Variants in FSIP1 observed in about 807,000 individuals in gnomAD.
FSIP1 encodes fibrous sheath interacting protein 1, also known as fibrous sheath-interacting protein 1.
In FSIP1, 65 loss-of-function variants were observed where a neutral mutation model predicts 60.9. That is an observed-to-expected ratio of 1.07 (90% CI 0.87 to 1.31). FSIP1 has a LOEUF of 1.31. Among genes scored for constraint, FSIP1 ranks in the 40% most tolerant of loss-of-function variants. The pLI is 0.00. For missense variants in FSIP1, 675 were observed against 665.5 expected, an observed-to-expected ratio of 1.01 and a Z score of -0.16; for synonymous variants, 209 against 221.2, an observed-to-expected ratio of 0.94 and a Z score of 0.49.
At chr15:39,603,144 A>C (rs1011594167) in intron 11 of FSIP1, among the ~76,000 whole-genome samples, 2 of 151,998 alleles carry the variant, frequency 1.3e-5, no homozygotes, top group Non-Finnish European at 2.9e-5. Flanking sequence ...GAGGTGAAAA[A>C]CTCTTGGAAC....
At chr15:39,638,464 G>A (rs377732157) in intron 10 of FSIP1, among the ~76,000 whole-genome samples, 7 of 152,124 alleles carry the variant, frequency 4.6e-5, no homozygotes, top group African/African-American at 1.7e-4. Context: ...TGAGGAGCAG[G>A]GAAGTTCTTT....
chr15:39,647,174 G>A (rs1259189763), intron 10 of FSIP1, among the ~76,000 whole-genome samples: 2 of 152,090 alleles, frequency 1.3e-5, no homozygotes, highest in Non-Finnish European at 2.9e-5. Context: ...CAAGTCTGGA[G>A]GTCTAACATA....
Position 39,683,392 on chromosome 15 carries a change from T to TA in FSIP1, c.1188+30051dup, listed in dbSNP as rs1011779352. On this transcript the variant is annotated intron_variant, in intron 10 of 11. Transcript: ENST00000350221. ...CAAAATTCAACATACATTCATGATT[T>TA]AAAAAAAAAAACTCTCAGCAAATTA... Among the ~76,000 whole-genome samples, 602 of 148,052 alleles carry TA rather than the reference T, an allele frequency of 4.1e-3. 3 individuals are homozygous for TA. The highest frequency in any genetic ancestry group is 0.011 in the African/African-American group (442 of 40,546).
At chr15:39,780,346 A>G (rs922986604) in intron 1 of FSIP1, among the ~76,000 whole-genome samples, 1 of 152,118 alleles carries the variant, frequency 6.6e-6, no homozygotes. Flanking sequence ...AACACGGTGA[A>G]ACCCCGTCTC....
At chr15:39,605,560 A>T (rs895649991) in intron 11 of FSIP1, among the ~76,000 whole-genome samples, 3 of 152,208 alleles carry the variant, frequency 2.0e-5, no homozygotes, top group Admixed American at 6.5e-5. Context: ...GACTTACAAC[A>T]TGGAATGGAA....
At chr15:39,774,866 G>A (rs141549286) in intron 2 of FSIP1, among the ~76,000 whole-genome samples, 2 of 152,198 alleles carry the variant, frequency 1.3e-5, no homozygotes, top group Admixed American at 1.3e-4. Flanking sequence ...AGCAGCAGCA[G>A]CAACTTTCTG....
intron 10 of FSIP1, among the ~76,000 whole-genome samples, chr15:39,685,897 A>C (rs1420842141): frequency 3.9e-5 from 6 of 152,222 alleles, no homozygotes; most frequent in African/African-American, 7.2e-5. Flanking sequence ...TGTACATTAC[A>C]TGTCAGACCA....
intron 10 of FSIP1, among the ~76,000 whole-genome samples, chr15:39,648,212 CAA>C (rs35577831): frequency 0.011 from 1,289 of 117,556 alleles, 25 homozygotes; most frequent in African/African-American, 0.036. Flanking sequence ...AAATTGCTAC[CAA>C]AAAAAAAAAA....
At chr15:39,716,105 A>G (rs955568578) in intron 9 of FSIP1, among the ~76,000 whole-genome samples, 3 of 152,154 alleles carry the variant, frequency 2.0e-5, no homozygotes, top group Admixed American at 6.5e-5. Flanking sequence ...TATCAGAAAT[A>G]TTTTTTAAAG....
At chr15:39,666,048 G>A (rs1378265176) in intron 10 of FSIP1, among the ~76,000 whole-genome samples, 1 of 152,102 alleles carries the variant, frequency 6.6e-6, no homozygotes, top group East Asian at 1.9e-4. Context: ...ATAAAATACG[G>A]CATCAGCAAT....
intron 1 of FSIP1, among the ~76,000 whole-genome samples, chr15:39,778,361 C>G (rs1295809598): frequency 6.6e-6 from 1 of 152,162 alleles, no homozygotes; most frequent in Non-Finnish European, 1.5e-5. Flanking sequence ...CTAAAGAGCT[C>G]CACAAATCTT....
At chr15:39,709,058 C>T (rs1002408694) in intron 10 of FSIP1, among the ~76,000 whole-genome samples, 1 of 152,220 alleles carries the variant, frequency 6.6e-6, no homozygotes, top group African/African-American at 2.4e-5. Context: ...TGTGTATCAG[C>T]AGCCTCAGCC....
intron 10 of FSIP1, among the ~76,000 whole-genome samples, chr15:39,625,793 G>C (rs74008648): frequency 0.2 from 30,428 of 152,104 alleles, 3,771 homozygotes; most frequent in African/African-American, 0.34. Context: ...GCCTAAAAAG[G>C]GGCCCCTGAT....
intron 10 of FSIP1, among the ~76,000 whole-genome samples, chr15:39,642,869 C>T (rs1383501776): frequency 6.6e-6 from 1 of 152,146 alleles, no homozygotes; most frequent in African/African-American, 2.4e-5. Context: ...TGTGTTCATC[C>T]ACCATCATTG....
At chr15:39,700,826 T>C (rs1895026861) in intron 10 of FSIP1, among the ~76,000 whole-genome samples, 1 of 152,188 alleles carries the variant, frequency 6.6e-6, no homozygotes. Context: ...GGACACAGAA[T>C]CTTTGTGCCA....
At chr15:39,774,224 T>C (rs1275892850) in intron 2 of FSIP1, among the ~76,000 whole-genome samples, 1 of 152,210 alleles carries the variant, frequency 6.6e-6, no homozygotes, top group Non-Finnish European at 1.5e-5. Context: ...GGCTCATGCC[T>C]GTAATCCCAG....
At chr15:39,740,215 AC>A (rs1377221976) in intron 6 of FSIP1, among the ~76,000 whole-genome samples, 3 of 152,152 alleles carry the variant, frequency 2.0e-5, no homozygotes, top group Non-Finnish European at 4.4e-5. Context: ...ATTTGCCATT[AC>A]CCTTTCTGAA....
chr15:39,612,095 A>G (rs1595530364), intron 11 of FSIP1, among the ~76,000 whole-genome samples: 1 of 152,340 alleles, frequency 6.6e-6, no homozygotes, highest in East Asian at 1.9e-4. Context: ...TCAATGATGA[A>G]GAGATCATCT....
chr15:39,706,645 C>G (rs1895282593), intron 10 of FSIP1, among the ~76,000 whole-genome samples: 1 of 152,140 alleles, frequency 6.6e-6, no homozygotes, highest in Admixed American at 6.5e-5. Flanking sequence ...AACAAAAGCA[C>G]AAGAATAATA....
Sources: allele counts gnomAD v4.1 joint callset (sites outside exome capture counted in the v4.1 genomes callset), GRCh38; gene constraint gnomAD v4.1.1; transcripts MANE v1.5; gene names NCBI Gene and HGNC (gene_info 2026-07-23, HGNC 2026-07-21).